Variants in EVC observed in about 807,000 individuals in gnomAD.
The protein encoded by EVC is evC complex member EVC.
In EVC, 116 loss-of-function variants were observed where a neutral mutation model predicts 118.9. The ratio of observed to expected loss-of-function variants is 0.98; its 90% CI spans 0.84 to 1.14. The LOEUF (loss-of-function observed/expected upper bound fraction) is 1.14, where lower values mean the gene tolerates loss of function less well. Ranked by LOEUF, EVC falls within the 50% of genes most tolerant of loss-of-function variation. EVC has a pLI of 0.00. For synonymous variants in EVC, 619 were observed against 534.7 expected, an observed-to-expected ratio of 1.16 and a Z score of -2.18; for missense variants, 1,401 against 1,246.4, an observed-to-expected ratio of 1.12 and a Z score of -1.87.
intron 1 of EVC, among the ~76,000 whole-genome samples, chr4:5,715,740 CTTTTT>C (rs35287924): frequency 1.4e-5 from 1 of 70,992 alleles, no homozygotes; most frequent in Non-Finnish European, 3.0e-5. Flanking sequence ...TTTCCATTGT[CTTTTT>C]TTTTTTTTTT....
chr4:5,783,813 C>CA, intron 12 of EVC, 49 bp downstream of exon 12: 1 of 1,515,798 alleles, frequency 6.6e-7, no homozygotes, highest in South Asian at 1.2e-5. Context: ...TTTAGAAACA[C>CA]ACGAAGAAGC....
chr4:5,747,253 A>AGCC (rs58158016), intron 7 of EVC, among the ~76,000 whole-genome samples: 15 of 151,102 alleles, frequency 9.9e-5, no homozygotes, highest in African/African-American at 3.7e-4. Context: ...CAACAAAATC[A>AGCC]TGGGTTTCTG....
Position 5,798,677 on chromosome 4 carries a change from A to G in EVC, c.2189A>G (p.Gln730Arg), listed in dbSNP as rs775736804. The change falls in exon 15 of 21, where the codon CAG (glutamine) becomes CGG (arginine). Residue 730 changes from glutamine to arginine, a missense_variant. By Grantham distance (43) the Gln-to-Arg change is conservative. Transcript: ENST00000264956. The surrounding 1 kb of genome is among the most constrained non-coding windows in gnomAD (Gnocchi z 4.1). ...QLQQRLLAEA[Q>R]EVGQLLQQHM... is the part of the protein sequence containing the mutation. ...CAGCAGCGGCTCCTGGCCGAGGCCC[A>G]GGAGGTGGGGCAGCTTCTGCAGCAG... 2 of 1,601,348 alleles carry G rather than the reference A, an allele frequency of 1.2e-6. No individual in the cohort carries two copies. Among genetic ancestry groups the G allele is most frequent in the South Asian group, 1.1e-5 (1 of 88,940 alleles).
At chr4:5,758,175 G>A in intron 11 of EVC, 1 of 700,516 alleles carries the variant, frequency 1.4e-6, no homozygotes. Context: ...AGGAACACCT[G>A]CAGCCACCAA....
downstream of EVC, among the ~76,000 whole-genome samples, chr4:5,817,734 G>A (rs146640386): frequency 3.1e-3 from 470 of 152,240 alleles, 4 homozygotes; most frequent in African/African-American, 0.011. Flanking sequence ...ACGCACTTAC[G>A]TCAGAAGAGT....
intron 11 of EVC, among the ~76,000 whole-genome samples, chr4:5,781,482 A>T (rs1735586066): frequency 1.3e-5 from 2 of 152,060 alleles, no homozygotes; most frequent in African/African-American, 2.4e-5. Context: ...GGGATTTTTC[A>T]GGGCGAGGAG....
chr4:5,742,982 G>A lies in EVC; in HGVS notation c.801+1168G>A, dbSNP rs1264542063. Among the ~76,000 whole-genome samples the A allele has an allele frequency of 6.6e-6, 1 of 152,214 alleles. No homozygotes were observed. Among genetic ancestry groups the A allele is most frequent in the Non-Finnish European group, 1.5e-5 (1 of 68,042 alleles). ...GCTTGGCAACTGTATTTATACTCATGTAAACCCACTTTCAATTACATGCAA... is the reference window on the plus strand; with the variant it reads ...GCTTGGCAACTGTATTTATACTCATATAAACCCACTTTCAATTACATGCAA... On this transcript the variant is annotated intron_variant, in intron 6 of 20. Transcript: ENST00000264956. This position sits in a 1 kb window ranked among gnomAD's most constrained non-coding sequence, Gnocchi z 5.2.
At chr4:5,766,249 T>C (rs1347539717) in intron 11 of EVC, among the ~76,000 whole-genome samples, 6 of 151,974 alleles carry the variant, frequency 3.9e-5, no homozygotes, top group African/African-American at 1.5e-4. Context: ...TCTTCTGGCT[T>C]GTAGAGTTTC....
chr4:5,790,862 G>A (rs769574331), intron 12 of EVC, among the ~76,000 whole-genome samples: 6 of 152,182 alleles, frequency 3.9e-5, no homozygotes, highest in Non-Finnish European at 7.3e-5. Context: ...GGGAGGCCGA[G>A]GCAGATGGAT....
chr4:5,761,892 G>A (rs984689516), intron 11 of EVC, among the ~76,000 whole-genome samples: 2 of 151,458 alleles, frequency 1.3e-5, no homozygotes, highest in African/African-American at 4.9e-5. Flanking sequence ...TAATCAGTTG[G>A]CAGCTTAGAA....
At chr4:5,760,700 G>A (rs1731871717) in intron 11 of EVC, among the ~76,000 whole-genome samples, 1 of 152,126 alleles carries the variant, frequency 6.6e-6, no homozygotes, top group Non-Finnish European at 1.5e-5. Flanking sequence ...TTACAGGCAT[G>A]TGCCACCACG....
chr4:5,787,661 A>G (rs904910911), intron 12 of EVC, among the ~76,000 whole-genome samples: 2 of 152,216 alleles, frequency 1.3e-5, no homozygotes, highest in Non-Finnish European at 1.5e-5. Flanking sequence ...AATTTGTAAT[A>G]AAGTGTTATA....
At position 5,798,476 on chromosome 4, in the gene EVC, C is replaced by G; in HGVS notation, c.2098-110C>G. On this transcript the variant is annotated intron_variant, in intron 14 of 20. Transcript: ENST00000264956. This position sits in a 1 kb window ranked among gnomAD's most constrained non-coding sequence, Gnocchi z 4.1. ...ACCTCTTTCTGCCCTTTCTCCATCC[C>G]TTTTCCAACCCCTGGGCCCTGGATA... is the stretch of plus-strand genomic sequence containing the variant. The G allele has an allele frequency of 1.7e-6, 2 of 1,171,590 alleles. No individual in the cohort carries two copies. Among genetic ancestry groups the G allele is most frequent in the Non-Finnish European group, 2.5e-6 (2 of 805,576 alleles). The allele number at this position is 1,171,590 out of a possible 1,614,324, so 72.6% of individuals were successfully genotyped here. A position where few individuals can be genotyped will look rare whatever the true frequency, so the allele number is the denominator to read the frequency against.
chr4:5,825,884 C>G, the EVC span: 1 of 513,684 alleles, frequency 1.9e-6, no homozygotes, highest in Admixed American at 4.0e-5. The surrounding 1 kb of genome is among the most constrained non-coding windows in gnomAD (Gnocchi z 4.4). Context: ...TACATACCCA[C>G]ATGCATACAC....
At chr4:5,806,592 A>G (rs1715959861) in intron 17 of EVC, among the ~76,000 whole-genome samples, 1 of 152,084 alleles carries the variant, frequency 6.6e-6, no homozygotes, top group Admixed American at 6.5e-5. Flanking sequence ...CCAGTCCTCC[A>G]TTGATGGACA....
chr4:5,800,295 A>G (rs1208336611), intron 15 of EVC, among the ~76,000 whole-genome samples: 1 of 152,214 alleles, frequency 6.6e-6, no homozygotes, highest in Non-Finnish European at 1.5e-5. Context: ...CAGTGAGCCA[A>G]GATCACACCA....
At chr4:5,720,876 A>T (rs1577328939) in intron 2 of EVC, among the ~76,000 whole-genome samples, 1 of 112,322 alleles carries the variant, frequency 8.9e-6, no homozygotes, top group East Asian at 2.2e-4. Context: ...AGGCAGGAAA[A>T]TATGAGTTAA....
At chr4:5,822,562 A>T in the EVC span, among the ~76,000 whole-genome samples, 8 of 151,560 alleles carry the variant, frequency 5.3e-5, no homozygotes, top group South Asian at 1.3e-3. Context: ...TTCTACTTTT[A>T]CCTATTCTCT....
intron 1 of EVC, among the ~76,000 whole-genome samples, chr4:5,718,317 A>G (rs1461274196): frequency 6.6e-6 from 1 of 151,928 alleles, no homozygotes; most frequent in Non-Finnish European, 1.5e-5. Context: ...ATCTTATTTA[A>G]TAGATATTTT....
Sources: gnomAD v4.1 joint callset for allele counts (sites outside exome capture counted in the v4.1 genomes callset) on GRCh38, gnomAD v4.1.1 for gene constraint, Gnocchi (gnomAD v3.1) non-coding constraint, MANE v1.5 for transcripts, NCBI Gene and HGNC (gene_info 2026-07-23, HGNC 2026-07-21) for gene names.